The following NECTIN1 variants were observed in gnomAD, a reference collection of about 807,000 sequenced individuals.
NECTIN1 encodes the protein nectin-1.
A neutral mutation model predicts 48.0 loss-of-function variants in NECTIN1; 23 were observed. The observed-to-expected ratio is 0.48, with a 90% confidence interval of 0.34 to 0.68. The LOEUF (loss-of-function observed/expected upper bound fraction) is 0.68. NECTIN1 is among the 30% of genes least tolerant of loss of function. The pLI is 0.01. For synonymous variants in NECTIN1, 270 were observed against 288.9 expected (o/e 0.93, Z 0.66); for missense variants, 591 against 709.9 (o/e 0.83, Z 1.90).
intron 6 of NECTIN1, chr11:119,639,766 C>T: frequency 6.5e-7 from 1 of 1,544,538 alleles, no homozygotes; most frequent in Non-Finnish European, 8.9e-7. Flanking sequence ...TAGAAAGGCC[C>T]TGAGCTTTCA....
Position 119,692,411 on chromosome 11 carries a change from A to ATGTGTGTGTGTGTGTG in NECTIN1, c.80-13662_80-13647dup, listed in dbSNP as rs60998928. On this transcript the variant is annotated intron_variant, in intron 1 of 5. Transcript: ENST00000264025. Reference sequence around the variant, plus strand: ...AGCCGAGAAGTGGCTTGTGGCAGTGATGTGTGTGTGTGTGTGTGTGGGTGG... The same window carrying ATGTGTGTGTGTGTGTG: ...AGCCGAGAAGTGGCTTGTGGCAGTGATGTGTGTGTGTGTGTGTGTGTGTGTGTGTGTGTGTGGGTGG... 2.9e-3 allele frequency among the ~76,000 whole-genome samples: 408 copies of ATGTGTGTGTGTGTGTG among 142,510 alleles called. 1 individual carries two copies. The highest frequency in any genetic ancestry group is 0.016 in the East Asian group (73 of 4,604). The allele number at this position is 142,510 out of a possible 152,430, so 93.5% of individuals were successfully genotyped here.
chr11:119,666,614 G>A (rs1036093522), intron 5 of NECTIN1, among the ~76,000 whole-genome samples: 2 of 152,238 alleles, frequency 1.3e-5, no homozygotes, highest in Non-Finnish European at 1.5e-5. Flanking sequence ...ACTAGGCTGC[G>A]GGTCTAGGGC....
At chr11:119,650,910 C>T (rs1864481216) in intron 5 of NECTIN1, among the ~76,000 whole-genome samples, 1 of 152,126 alleles carries the variant, frequency 6.6e-6, no homozygotes, top group Admixed American at 6.5e-5. Context: ...TTTGTAATTT[C>T]CAAACATCAT....
At chr11:119,649,904 C>A (rs548480978) in intron 5 of NECTIN1, among the ~76,000 whole-genome samples, 1 of 152,076 alleles carries the variant, frequency 6.6e-6, no homozygotes, top group Admixed American at 6.5e-5. Flanking sequence ...CATGTGTGTC[C>A]GTGTGAAGAG....
intron 1 of NECTIN1, among the ~76,000 whole-genome samples, chr11:119,724,462 A>G (rs1865877601): frequency 6.6e-6 from 1 of 152,202 alleles, no homozygotes; most frequent in Admixed American, 6.5e-5. Context: ...AGGAAGCATC[A>G]TAGAGGCTTC....
intron 6 of NECTIN1, chr11:119,639,841 T>A (rs1401121642): frequency 6.2e-7 from 1 of 1,613,794 alleles, no homozygotes; most frequent in South Asian, 1.1e-5. Context: ...GGGAGTTTAG[T>A]GGGCAGAGTC....
At chr11:119,714,208 C>T (rs1865709529) in intron 1 of NECTIN1, among the ~76,000 whole-genome samples, 1 of 152,170 alleles carries the variant, frequency 6.6e-6, no homozygotes, top group African/African-American at 2.4e-5. Flanking sequence ...GTGTTAGAGC[C>T]TGGATGGCAC....
intron 5 of NECTIN1, among the ~76,000 whole-genome samples, chr11:119,650,367 C>T (rs924051272): frequency 2.0e-5 from 3 of 152,230 alleles, no homozygotes; most frequent in African/African-American, 7.2e-5. Flanking sequence ...TTCTGTTCTA[C>T]AAAATCATCT....
At chr11:119,726,779 T>C (rs559195652) in intron 1 of NECTIN1, among the ~76,000 whole-genome samples, 1 of 152,346 alleles carries the variant, frequency 6.6e-6, no homozygotes, top group Admixed American at 6.5e-5. Flanking sequence ...CCTAGTGTGC[T>C]GGACCAACCA....
chr11:119,713,641 C>A, intron 1 of NECTIN1: 1 of 331,420 alleles, frequency 3.0e-6, no homozygotes, highest in East Asian at 9.7e-5. Flanking sequence ...CTACTCTCAG[C>A]CTTGGGGGTG....
Position 119,661,146 on chromosome 11 carries a change from G to GC in NECTIN1, c.*3600dup. 2 of 985,830 alleles carry GC rather than the reference G, an allele frequency of 2.0e-6. No individual in the cohort carries two copies. The highest frequency in any genetic ancestry group is 2.4e-6 in the Non-Finnish European group (2 of 829,948). 61.1% of individuals were successfully genotyped at this position (985,830 alleles called of 1,614,324 possible). ...CTGCTGGGCTGTCCCTGGACCAAAG[G>GC]CGGAAAGGGCGACAAGACGCCGAAG... On this transcript the variant is annotated 3_prime_UTR_variant, in exon 6 of 6. Coordinates refer to ENST00000264025, the MANE Select transcript of NECTIN1 (RefSeq NM_002855.5).
At chr11:119,725,211 C>G (rs550064451) in intron 1 of NECTIN1, among the ~76,000 whole-genome samples, 1 of 152,140 alleles carries the variant, frequency 6.6e-6, no homozygotes, top group African/African-American at 2.4e-5. Context: ...GGGTTCTGGC[C>G]GGCTCAACCA....
intron 1 of NECTIN1, chr11:119,713,501 CGT>C (rs1565401852): frequency 7.2e-6 from 1 of 139,002 alleles, no homozygotes; most frequent in Non-Finnish European, 1.5e-5. Context: ...GCTCCCCCAA[CGT>C]GCCCCGTCTC....
In NECTIN1 at chr11:119,655,083, G is replaced by A. The variant is rs1395437884; in HGVS notation, c.1004-15071C>T. On this transcript the variant is annotated intron_variant, in intron 5 of 7. Coordinates refer to the NECTIN1 transcript ENST00000341398. ...CACCACCACGCCTGGCTAATTTTTTGTATTTTTAGTGGAGATGGGGTTTCA... is the reference window on the plus strand; with the variant it reads ...CACCACCACGCCTGGCTAATTTTTTATATTTTTAGTGGAGATGGGGTTTCA... Among the ~76,000 whole-genome samples, 6 of 150,874 alleles carry A rather than the reference G, an allele frequency of 4.0e-5. No individual in the cohort carries two copies. The East Asian group carries it at 7.9e-4, about 20-fold the overall frequency.
intron 1 of NECTIN1, among the ~76,000 whole-genome samples, chr11:119,695,806 C>A (rs995184706): frequency 1.3e-5 from 2 of 152,180 alleles, no homozygotes; most frequent in African/African-American, 4.8e-5. Context: ...CCCCTTTGCT[C>A]CCCAGGTTGG....
At chr11:119,657,087 C>G (rs1026188091), downstream of NECTIN1, among the ~76,000 whole-genome samples, 1 of 152,234 alleles carries the variant, frequency 6.6e-6, no homozygotes, top group African/African-American at 2.4e-5. Flanking sequence ...TCCGGGATCC[C>G]AAGTCTCACA....
At chr11:119,688,966 G>C (rs115592292) in intron 1 of NECTIN1, among the ~76,000 whole-genome samples, 3 of 152,134 alleles carry the variant, frequency 2.0e-5, no homozygotes, top group African/African-American at 7.2e-5. Context: ...ACATGCGGTG[G>C]GGTGTTGTGA....
In NECTIN1 at chr11:119,661,423, C is replaced by A; in HGVS notation, c.*3324G>T. ...GTACTGGGCAGTGTGTGAAGCCTCC[C>A]TGTGGGTGTGGGGACCTGGGGCACA... On this transcript the variant is annotated 3_prime_UTR_variant, in exon 6 of 6. Coordinates refer to ENST00000264025, the MANE Select transcript of NECTIN1 (RefSeq NM_002855.5). 1 of 985,922 alleles carries A rather than the reference C, an allele frequency of 1.0e-6. No individual in the cohort carries two copies. The allele number at this position is 985,922 out of a possible 1,614,324, so 61.1% of individuals were successfully genotyped here.
rs1591446631 is a variant in NECTIN1 at position 119,661,794 on chromosome 11, G to A, written c.*2953C>T. 7.1e-6 allele frequency: 7 copies of A among 985,468 alleles called. No homozygotes were observed. Among genetic ancestry groups the A allele is most frequent in the Non-Finnish European group, 7.2e-6 (6 of 829,938 alleles). The allele number at this position is 985,468 out of a possible 1,614,324, so 61.0% of individuals were successfully genotyped here. A position where few individuals can be genotyped will look rare whatever the true frequency, so the allele number is the denominator to read the frequency against. On this transcript the variant is annotated 3_prime_UTR_variant, in exon 6 of 6. Coordinates refer to ENST00000264025, the MANE Select transcript of NECTIN1 (RefSeq NM_002855.5). ...TCAGCAGGATCAGACCATTCCCTCTGCCACATCTGTGCTGAGTGGCCATCT... is the reference window on the plus strand; with the variant it reads ...TCAGCAGGATCAGACCATTCCCTCTACCACATCTGTGCTGAGTGGCCATCT...
Sources: allele counts gnomAD v4.1 joint callset (sites outside exome capture counted in the v4.1 genomes callset), GRCh38; gene constraint gnomAD v4.1.1; transcripts MANE v1.5; gene names NCBI Gene and HGNC (gene_info 2026-07-23, HGNC 2026-07-21).